TIAM2: variants seen among roughly 807,000 people sequenced by gnomAD.
TIAM2 encodes the protein rho guanine nucleotide exchange factor TIAM2.
Under a neutral mutation model 152.9 loss-of-function variants are expected in TIAM2, and 80 were observed. The ratio of observed to expected loss-of-function variants is 0.52; its 90% CI spans 0.44 to 0.63. The LOEUF is 0.63. Ranked by LOEUF, TIAM2 falls within the 30% of genes least tolerant of loss-of-function variation. TIAM2 has a pLI of 0.00. For synonymous variants in TIAM2, 804 were observed against 838.0 expected (o/e 0.96, Z 0.70); for missense variants, 1,965 against 2,120.1 (o/e 0.93, Z 1.44).
At chr6:155,189,192 G>A (rs1489939117) in intron 14 of TIAM2, among the ~76,000 whole-genome samples, 5 of 152,126 alleles carry the variant, frequency 3.3e-5, no homozygotes, top group Non-Finnish European at 7.3e-5. Flanking sequence ...TGAGAGTGAG[G>A]GCATTTTGGC....
rs1162488270 is a variant in TIAM2, at chr6:155,183,499, T to C, written c.3063T>C (p.Asn1021=). The change falls in exon 14 of 27, where the codon AAT becomes AAC. Residue 1021 remains asparagine (N), a splice_region_variant and synonymous_variant. Coordinates refer to ENST00000682666, the MANE Select transcript of TIAM2 (RefSeq NM_012454.4). ...FLDNFKKNTA[N]DFSNVPDITT... is the part of the protein sequence containing the mutation. ...ATAACTTTAAAAAGAATACAGCCAA[T>C]GGTAAGGCTTTGTTCTGTCTTCCTT... is the stretch of plus-strand genomic sequence containing the variant. 31 of 1,610,288 alleles carry C rather than the reference T, an allele frequency of 1.9e-5. No individual in the cohort carries two copies. The highest frequency in any genetic ancestry group is 2.5e-5 in the Non-Finnish European group (29 of 1,178,366).
chr6:155,240,824 G>A (rs1782996797), intron 16 of TIAM2, 115 bp downstream of exon 16: 8 of 1,077,742 alleles, frequency 7.4e-6, no homozygotes, highest in East Asian at 2.5e-5. Flanking sequence ...CCCAGGGGGG[G>A]ACACCTGCTC....
intron 9 of TIAM2, chr6:155,168,973 ACTTTTT>A (rs1388353496): frequency 7.1e-7 from 1 of 1,400,294 alleles, no homozygotes; most frequent in Non-Finnish European, 9.5e-7. Flanking sequence ...ACAAATGCTA[ACTTTTT>A]CTGTTTTTTT....
chr6:155,016,518 ATTT>A (rs1464942095), intron 1 of TIAM2, among the ~76,000 whole-genome samples: 13 of 108,340 alleles, frequency 1.2e-4, no homozygotes, highest in African/African-American at 3.1e-4. Flanking sequence ...TTTAAATGGT[ATTT>A]ACATTTAAAT....
Position 155,129,429 on chromosome 6 carries a change from A to G in TIAM2, c.206A>G (p.Lys69Arg). ...GCCCGAAGCTGCCTTTCTCACTTTA[A>G]GAGTAACCAGCCTTACGCATCGAGA... ...SLARSCLSHF[K>R]SNQPYASRLG... The change falls in exon 4 of 27, where the codon AAG becomes AGG. Residue 69 changes from lysine to arginine, a missense_variant. Physicochemically the swap from Lys to Arg is conservative, Grantham distance 26 (BLOSUM62 2). Coordinates refer to ENST00000682666, the MANE Select transcript of TIAM2 (RefSeq NM_012454.4). The surrounding 1 kb of genome is among the most constrained non-coding windows in gnomAD (Gnocchi z 4.8). The G allele has an allele frequency of 6.2e-7, 1 of 1,614,114 alleles. No individual in the cohort carries two copies. Among genetic ancestry groups the G allele is most frequent in the East Asian group, 2.2e-5 (1 of 44,868 alleles).
At chr6:155,211,440 A>G in intron 15 of TIAM2, 133 bp downstream of exon 15, 1 of 621,238 alleles carries the variant, frequency 1.6e-6, no homozygotes, top group African/African-American at 1.9e-5. Context: ...ATACATATAT[A>G]TGTTAAGGAT....
At chr6:155,232,164 G>T (rs1358023414) in intron 15 of TIAM2, among the ~76,000 whole-genome samples, 1 of 152,094 alleles carries the variant, frequency 6.6e-6, no homozygotes. Context: ...TTCCATCCTT[G>T]CCAGTGATAT....
intron 1 of TIAM2, among the ~76,000 whole-genome samples, chr6:155,030,085 G>A (rs1776795207): frequency 6.6e-6 from 1 of 152,126 alleles, no homozygotes; most frequent in Non-Finnish European, 1.5e-5. Flanking sequence ...GAGCCACTGT[G>A]CCTTTGTTGT....
chr6:155,028,706 TATA>T (rs1776702336), intron 1 of TIAM2, among the ~76,000 whole-genome samples: 1 of 85,362 alleles, frequency 1.2e-5, no homozygotes, highest in Non-Finnish European at 2.4e-5. Flanking sequence ...TATACTGTGT[TATA>T]TATATACTAC....
At chr6:155,243,846 C>CAAAAAAAAAAAAAAAAAAAA (rs59365890) in intron 16 of TIAM2, among the ~76,000 whole-genome samples, 165 bp from the exon 17 acceptor site, 2 of 55,050 alleles carry the variant, frequency 3.6e-5, no homozygotes, top group African/African-American at 1.6e-4. Flanking sequence ...GACTCCGTCT[C>CAAAAAAAAAAAAAAAAAAAA]AAAAAAAAAA....
intron 15 of TIAM2, among the ~76,000 whole-genome samples, chr6:155,222,956 T>G (rs1402871656): frequency 6.6e-6 from 1 of 152,216 alleles, no homozygotes; most frequent in Non-Finnish European, 1.5e-5. Flanking sequence ...TTTTGGAGGC[T>G]TCTCAGGTAA....
chr6:155,008,506 T>C (rs779883550), intron 1 of TIAM2, among the ~76,000 whole-genome samples: 65 of 152,230 alleles, frequency 4.3e-4, no homozygotes, highest in Non-Finnish European at 7.6e-4. Flanking sequence ...GAAGGAGCTG[T>C]CTCCATTTAG....
intron 9 of TIAM2, among the ~76,000 whole-genome samples, chr6:155,172,459 A>G (rs1399933389): frequency 1.3e-5 from 2 of 151,626 alleles, no homozygotes; most frequent in Non-Finnish European, 2.9e-5. Context: ...TCAGTCTCCT[A>G]ACCACCCCAC....
At position 155,174,947 on chromosome 6, in the gene TIAM2, G is replaced by A. The variant is rs894462961; in HGVS notation, c.2362-1869G>A. ...CAACAAGCCTGGTTTCAGAGGTGGG[G>A]CCTGCACCTTTAAGGCAGCATCTGT... On this transcript the variant is annotated intron_variant, in intron 9 of 26. Coordinates refer to ENST00000682666, the MANE Select transcript of TIAM2 (RefSeq NM_012454.4). This position sits in a 1 kb window ranked among gnomAD's most constrained non-coding sequence, Gnocchi z 4.2. Among the ~76,000 whole-genome samples the A allele has an allele frequency of 6.6e-6, 1 of 152,162 alleles. No individual in the cohort carries two copies. The highest frequency in any genetic ancestry group is 2.4e-5 in the African/African-American group (1 of 41,446).
chr6:155,011,407 C>A (rs570920530), intron 1 of TIAM2, among the ~76,000 whole-genome samples: 1 of 27,282 alleles, frequency 3.7e-5, no homozygotes, highest in South Asian at 2.6e-3. Flanking sequence ...GTATTGAGAT[C>A]CTGTGGCTTC....
chr6:155,202,093 T>A (rs577944359), intron 14 of TIAM2, among the ~76,000 whole-genome samples: 47 of 152,260 alleles, frequency 3.1e-4, no homozygotes, highest in Non-Finnish European at 6.2e-4. Flanking sequence ...TTTATCTATA[T>A]TAAGAGTAGG....
chr6:155,123,482 G>C (rs1210548661), intron 2 of TIAM2, among the ~76,000 whole-genome samples: 1 of 152,168 alleles, frequency 6.6e-6, no homozygotes, highest in Admixed American at 6.5e-5. Context: ...GCTAGGCCTT[G>C]AGTGCACAGC....
chr6:155,194,972 A>G (rs1311038805), intron 14 of TIAM2, among the ~76,000 whole-genome samples: 2 of 152,144 alleles, frequency 1.3e-5, no homozygotes, highest in African/African-American at 4.8e-5. Context: ...CCATGTGAAG[A>G]AAGACATGTT....
At chr6:155,110,896 A>G (rs1778832034) in intron 2 of TIAM2, among the ~76,000 whole-genome samples, 3 of 152,332 alleles carry the variant, frequency 2.0e-5, no homozygotes, top group African/African-American at 7.2e-5. Context: ...TAAAGGTTCA[A>G]AAATCCTGGG....
Sources: gnomAD v4.1 joint callset for allele counts (sites outside exome capture counted in the v4.1 genomes callset) on GRCh38, gnomAD v4.1.1 for gene constraint, Gnocchi (gnomAD v3.1) non-coding constraint, MANE v1.5 for transcripts, NCBI Gene and HGNC (gene_info 2026-07-23, HGNC 2026-07-21) for gene names.